The following WWOX variants were observed in gnomAD, a reference collection of about 807,000 sequenced individuals.
The protein encoded by WWOX is WW domain containing oxidoreductase, also known as WW domain-containing oxidoreductase.
A neutral mutation model predicts 46.2 loss-of-function variants in WWOX; 69 were observed. That is an observed-to-expected ratio of 1.49 (90% CI 1.23 to 1.82). The LOEUF (loss-of-function observed/expected upper bound fraction) is 1.82. WWOX is among the 40% of genes most tolerant of loss of function. The pLI, the probability that WWOX is intolerant of heterozygous loss-of-function variation, is 0.00. For synonymous variants in WWOX, 359 were observed against 202.6 expected (o/e 1.77, Z -6.56); for missense variants, 919 against 542.6 (o/e 1.69, Z -6.89).
chr16:78,665,618 T>G (rs2047312340), intron 8 of WWOX, among the ~76,000 whole-genome samples: 1 of 152,042 alleles, frequency 6.6e-6, no homozygotes, highest in South Asian at 2.1e-4. Flanking sequence ...CCTGTCAGGG[T>G]GGGTCCTAGT....
chr16:78,893,617 A>G (rs117800519), intron 8 of WWOX, among the ~76,000 whole-genome samples: 2,106 of 152,242 alleles, frequency 0.014, 13 homozygotes, highest in Non-Finnish European at 0.022. Flanking sequence ...GTTGCAGCCA[A>G]TATTTCATGT....
At chr16:78,559,555 C>T (rs896496498) in intron 8 of WWOX, among the ~76,000 whole-genome samples, 11 of 152,166 alleles carry the variant, frequency 7.2e-5, no homozygotes, top group African/African-American at 2.4e-4. Context: ...TCTTATTAAA[C>T]GTGCTGGAAA....
At chr16:78,821,604 A>G (rs771894112) in intron 8 of WWOX, among the ~76,000 whole-genome samples, 2 of 152,144 alleles carry the variant, frequency 1.3e-5, no homozygotes, top group African/African-American at 4.8e-5. Context: ...TTATACCCAT[A>G]TATGTGTCAA....
At chr16:78,352,328 A>G (rs2081202720) in intron 5 of WWOX, among the ~76,000 whole-genome samples, 1 of 152,224 alleles carries the variant, frequency 6.6e-6, no homozygotes, top group South Asian at 2.1e-4. Context: ...TACACTTTAC[A>G]GTTTTGGAGG....
intron 5 of WWOX, among the ~76,000 whole-genome samples, chr16:78,221,426 C>A (rs1226669874): frequency 6.6e-6 from 1 of 152,146 alleles, no homozygotes; most frequent in African/African-American, 2.4e-5. Context: ...TAGTACGTTA[C>A]TTTAATTGTG....
At chr16:78,193,153 C>A (rs538861195) in intron 5 of WWOX, among the ~76,000 whole-genome samples, 1 of 152,158 alleles carries the variant, frequency 6.6e-6, no homozygotes, top group Non-Finnish European at 1.5e-5. Context: ...CTCATGTGTG[C>A]GTCATATTGT....
At chr16:78,943,069 G>C (rs1242693544) in intron 8 of WWOX, among the ~76,000 whole-genome samples, 1 of 152,106 alleles carries the variant, frequency 6.6e-6, no homozygotes, top group Non-Finnish European at 1.5e-5. Flanking sequence ...TTAAATAAGG[G>C]CAATGACGGC....
chr16:78,716,773 T>C (rs923127594), intron 8 of WWOX, among the ~76,000 whole-genome samples: 2 of 152,118 alleles, frequency 1.3e-5, no homozygotes, highest in African/African-American at 2.4e-5. Context: ...ATCTTCCTTA[T>C]AGTCCTGGAG....
intron 5 of WWOX, among the ~76,000 whole-genome samples, chr16:78,361,793 G>C (rs556914094): frequency 3.0e-4 from 46 of 152,002 alleles, no homozygotes; most frequent in South Asian, 1.0e-3. Flanking sequence ...TATATTTTTA[G>C]TAGAGATGGG....
chr16:79,013,060 C>G (rs980242797), intron 8 of WWOX, among the ~76,000 whole-genome samples: 5 of 152,172 alleles, frequency 3.3e-5, no homozygotes, highest in Non-Finnish European at 7.4e-5. Flanking sequence ...CAGAGCAAGA[C>G]TCCGTTTCAC....
intron 8 of WWOX, among the ~76,000 whole-genome samples, chr16:78,721,467 G>C (rs2048687834): frequency 6.6e-6 from 1 of 152,200 alleles, no homozygotes; most frequent in South Asian, 2.1e-4. Context: ...GTTCTCTAAA[G>C]TGTTCAGCCA....
chr16:78,207,437 A>G (rs898608500), intron 5 of WWOX, among the ~76,000 whole-genome samples: 1 of 151,554 alleles, frequency 6.6e-6, no homozygotes, highest in Non-Finnish European at 1.5e-5. Context: ...TTCTACCAAC[A>G]TTATCTAAGA....
At chr16:78,583,584 G>C (rs2045117040) in intron 8 of WWOX, among the ~76,000 whole-genome samples, 1 of 152,192 alleles carries the variant, frequency 6.6e-6, no homozygotes, top group Non-Finnish European at 1.5e-5. Context: ...TGAAATGTCA[G>C]GGTCCCCCAT....
At position 78,767,386 on chromosome 16, in the gene WWOX, G is replaced by C. The variant is rs545785756; in HGVS notation, c.1056+334634G>C. Among the ~76,000 whole-genome samples the C allele has an allele frequency of 1.1e-3, 169 of 152,028 alleles. 2 individuals are homozygous for C. Among genetic ancestry groups the C allele is most frequent in the African/African-American group, 3.8e-3 (159 of 41,454 alleles). On this transcript the variant is annotated intron_variant, in intron 8 of 8. Transcript: ENST00000566780. Reference sequence around the variant, plus strand: ...CTGTGCTCCGGTCATCCACCCGCCTGGGCTTCCCAAAGCGCTGAGATGACT... The same window carrying C: ...CTGTGCTCCGGTCATCCACCCGCCTCGGCTTCCCAAAGCGCTGAGATGACT...
chr16:78,335,220 A>G (rs1201771772), intron 5 of WWOX, among the ~76,000 whole-genome samples: 2 of 152,076 alleles, frequency 1.3e-5, no homozygotes, highest in African/African-American at 4.8e-5. Context: ...TGCTGCAGAG[A>G]TCAACTTATC....
chr16:78,972,485 TAAAAG>T (rs2046490958), intron 8 of WWOX, among the ~76,000 whole-genome samples: 1 of 133,408 alleles, frequency 7.5e-6, no homozygotes, highest in Non-Finnish European at 1.6e-5. Flanking sequence ...AAAAAAAAAA[TAAAAG>T]AACCTGAAGC....
At chr16:78,786,077 T>G (rs73575616) in intron 8 of WWOX, among the ~76,000 whole-genome samples, 1 of 152,074 alleles carries the variant, frequency 6.6e-6, no homozygotes, top group Non-Finnish European at 1.5e-5. Context: ...TGGCTAATTG[T>G]TTTTGAATTT....
In WWOX at chr16:78,099,840, G is replaced by T. The variant is rs1304203760; in HGVS notation, c.62G>T (p.Gly21Val). The part of the protein sequence containing the change: ...DTDSEDELPP[G>V]WEERTTKDGW... ...GACAGTGAGGACGAGCTGCCTCCGGGCTGGGAGGAGAGAACCACCAAGGAC... is the reference window on the plus strand; with the variant it reads ...GACAGTGAGGACGAGCTGCCTCCGGTCTGGGAGGAGAGAACCACCAAGGAC... The change falls in exon 1 of 9, where the codon GGC becomes GTC. Residue 21 changes from glycine to valine, a missense_variant. By Grantham distance (109) the Gly-to-Val change is moderately radical. Coordinates refer to ENST00000566780, the MANE Select transcript of WWOX (RefSeq NM_016373.4). 1.3e-6 allele frequency: 2 copies of T among 1,582,214 alleles called. No individual in the cohort carries two copies. The highest frequency in any genetic ancestry group is 2.3e-5 in the East Asian group (1 of 42,874).
intron 6 of WWOX, among the ~76,000 whole-genome samples, chr16:78,406,926 G>A (rs949696525): frequency 2.6e-5 from 4 of 152,038 alleles, no homozygotes; most frequent in African/African-American, 4.8e-5. Flanking sequence ...GTGCCCGGCC[G>A]GATAGAAATA....
Sources: allele counts gnomAD v4.1 joint callset (sites outside exome capture counted in the v4.1 genomes callset), GRCh38; gene constraint gnomAD v4.1.1; transcripts MANE v1.5; gene names NCBI Gene and HGNC (gene_info 2026-07-23, HGNC 2026-07-21).